Variants in HDGFL2 observed in about 807,000 individuals in gnomAD.
HDGFL2 encodes the protein hepatoma-derived growth factor-related protein 2.
In HDGFL2, 36 loss-of-function variants were observed where a neutral mutation model predicts 77.1. That is an observed-to-expected ratio of 0.47 (90% CI 0.36 to 0.62). The LOEUF (loss-of-function observed/expected upper bound fraction) is 0.62. Ranked by LOEUF, HDGFL2 falls within the 20% of genes least tolerant of loss-of-function variation. The probability of loss-of-function intolerance (pLI) is 0.00; values close to 1 mark genes in which losing one functional copy is unlikely to be tolerated. For synonymous variants in HDGFL2, 463 were observed against 413.1 expected, an observed-to-expected ratio of 1.12 and a Z score of -1.46; for missense variants, 976 against 973.4, an observed-to-expected ratio of 1.00 and a Z score of -0.04.
intron 3 of HDGFL2, among the ~76,000 whole-genome samples, chr19:4,486,047 C>T (rs10406524): frequency 0.081 from 10,812 of 133,970 alleles, 486 homozygotes; most frequent in African/African-American, 0.13. Flanking sequence ...AGTAAGACCC[C>T]GTCTCAAAAA....
At chr19:4,495,989 C>A (rs1306519567) in intron 9 of HDGFL2, among the ~76,000 whole-genome samples, 1 of 152,158 alleles carries the variant, frequency 6.6e-6, no homozygotes, top group Non-Finnish European at 1.5e-5. Context: ...CTCTCTCTGT[C>A]ACTCCCTTCA....
chr19:4,502,139 T>A lies in HDGFL2; in HGVS notation c.*129T>A, dbSNP rs992891017. 2.7e-6 allele frequency: 2 copies of A among 730,832 alleles called. No homozygotes were observed. The highest frequency in any genetic ancestry group is 4.8e-6 in the Non-Finnish European group (2 of 416,476). 45.3% of individuals were successfully genotyped at this position (730,832 alleles called of 1,614,324 possible). A position where few individuals can be genotyped will look rare whatever the true frequency, so the allele number is the denominator to read the frequency against. The stretch of plus-strand genomic sequence containing the variant: ...TTTGTATTTGTTCCCTTGGGTTTTT[T>A]TTTCCTGCCTAATTTCTGTGATTTC... On this transcript the variant is annotated 3_prime_UTR_variant, in exon 16 of 16. Coordinates refer to ENST00000616600, the MANE Select transcript of HDGFL2 (RefSeq NM_001001520.3).
chr19:4,473,056 G>C (rs11673585), intron 1 of HDGFL2, among the ~76,000 whole-genome samples: 16,789 of 150,838 alleles, frequency 0.11, 1,043 homozygotes, highest in South Asian at 0.24. Context: ...CGCACCTTGG[G>C]GGTTTGGGGG....
At chr19:4,485,706 C>T (rs1000351696) in intron 3 of HDGFL2, among the ~76,000 whole-genome samples, 17 of 151,616 alleles carry the variant, frequency 1.1e-4, no homozygotes, top group African/African-American at 3.9e-4. Context: ...GGCACCACTG[C>T]CCTCCAGCCT....
At chr19:4,486,052 C>CAAA (rs548919228) in intron 3 of HDGFL2, among the ~76,000 whole-genome samples, 6 of 74,944 alleles carry the variant, frequency 8.0e-5, no homozygotes, top group African/African-American at 2.4e-4. Flanking sequence ...GACCCCGTCT[C>CAAA]AAAAAAAAAA....
In HDGFL2 at chr19:4,492,911, CTG is replaced by C. The variant is rs374872244; in HGVS notation, c.679-787_679-786del. ...GTTATCTGTGGTGTGTGTGTGGTGT[CTG>C]TGTGGTGTGTATCTGTGTGTGTGGT... On this transcript the variant is annotated intron_variant, in intron 6 of 15. Coordinates refer to ENST00000616600, the MANE Select transcript of HDGFL2 (RefSeq NM_001001520.3). Among the ~76,000 whole-genome samples, 69 of 85,502 alleles carry C rather than the reference CTG, an allele frequency of 8.1e-4. No homozygotes were observed. In the East Asian group the frequency reaches 0.014, roughly 18 times the overall value. 56.1% of individuals were successfully genotyped at this position (85,502 alleles called of 152,430 possible).
In HDGFL2 at chr19:4,501,447, C is replaced by G. The variant is rs1234648897; in HGVS notation, c.1916+130C>G. ...CCAGGGATGTCGTCCTTACTCGGGC[C>G]TCCCACCTTCACAGCTGACCCCAGG... On this transcript the variant is annotated intron_variant, in intron 15 of 15. Transcript: ENST00000616600. The G allele has an allele frequency of 7.1e-6, 8 of 1,123,840 alleles. No homozygotes were observed. The South Asian group carries it at 1.4e-4, about 19-fold the overall frequency. 69.6% of individuals were successfully genotyped at this position (1,123,840 alleles called of 1,614,324 possible).
chr19:4,501,504 A>C, intron 15 of HDGFL2, 187 bp downstream of exon 15: 1 of 616,182 alleles, frequency 1.6e-6, no homozygotes, highest in Admixed American at 3.6e-5. Context: ...GGCGGCCCCT[A>C]CAGAGAGGCA....
rs766372007 is a variant in HDGFL2 at position 4,498,925 on chromosome 19, G to GGGAATCAGAGGCGCA, written c.1575+13_1575+27dup. ...GGCCACCTTGAAGAAGGTATGGCGGGGGAATCAGAGGCGCAGGGTGCAGTC... is the reference window on the plus strand; with the variant it reads ...GGCCACCTTGAAGAAGGTATGGCGGGGGAATCAGAGGCGCAGGAATCAGAGGCGCAGGGTGCAGTC... On this transcript the variant is annotated intron_variant, in intron 13 of 15. Coordinates refer to ENST00000616600, the MANE Select transcript of HDGFL2 (RefSeq NM_001001520.3). 4 of 1,575,918 alleles carry GGGAATCAGAGGCGCA rather than the reference G, an allele frequency of 2.5e-6. No individual in the cohort carries two copies. In the South Asian group the frequency reaches 4.5e-5, roughly 18 times the overall value.
chr19:4,485,180 C>T (rs1975329185), intron 3 of HDGFL2, among the ~76,000 whole-genome samples: 1 of 152,168 alleles, frequency 6.6e-6, no homozygotes, highest in Non-Finnish European at 1.5e-5. Context: ...TCCCCTCAAG[C>T]CTCAGGCAAC....
At position 4,487,048 on chromosome 19, in the gene HDGFL2, C is replaced by T. The variant is rs562820163; in HGVS notation, c.289-1628C>T. Among the ~76,000 whole-genome samples the T allele has an allele frequency of 5.3e-5, 8 of 151,936 alleles. No homozygotes were observed. In the South Asian group the frequency reaches 1.7e-3, roughly 32 times the overall value. ...TGGTGTGATCTCGGCTCACTGCAAC[C>T]TCTGCTTCCTGGGTTCAAGCAATTC... On this transcript the variant is annotated intron_variant, in intron 3 of 15. Transcript: ENST00000616600.
chr19:4,476,287 G>C (rs1399980767), intron 3 of HDGFL2, among the ~76,000 whole-genome samples: 1 of 145,820 alleles, frequency 6.9e-6, no homozygotes, highest in Non-Finnish European at 1.5e-5. Context: ...TCTGCCTCCG[G>C]GTCCAACTGA....
chr19:4,492,224 T>G (rs1403923365), intron 6 of HDGFL2, among the ~76,000 whole-genome samples: 1 of 151,720 alleles, frequency 6.6e-6, no homozygotes, highest in Non-Finnish European at 1.5e-5. Flanking sequence ...TCGACGTGCA[T>G]GTGTGTGTGT....
At chr19:4,474,540 G>A (rs954359180) in intron 1 of HDGFL2, among the ~76,000 whole-genome samples, 3 of 152,040 alleles carry the variant, frequency 2.0e-5, no homozygotes, top group Admixed American at 6.6e-5. Context: ...AGACGTGGAT[G>A]GGGAAGGAAT....
chr19:4,493,297 G>T (rs1975597937), intron 6 of HDGFL2, among the ~76,000 whole-genome samples: 1 of 149,198 alleles, frequency 6.7e-6, no homozygotes, highest in Non-Finnish European at 1.5e-5. Flanking sequence ...TGTGGTGTGT[G>T]TGTGGTGTGT....
intron 15 of HDGFL2, 52 bp downstream of exon 15, chr19:4,501,369 G>A (rs754815548): frequency 7.7e-5 from 119 of 1,536,086 alleles, no homozygotes; most frequent in Middle Eastern, 2.3e-4. Context: ...GCGGTGTGAC[G>A]CGCACCCTGG....
At chr19:4,490,957 A>G (rs1239384185) in intron 4 of HDGFL2, among the ~76,000 whole-genome samples, 1 of 152,010 alleles carries the variant, frequency 6.6e-6, no homozygotes, top group Non-Finnish European at 1.5e-5. Context: ...GATTACAGGC[A>G]TACGCCACCA....
chr19:4,489,335 C>T (rs1190543991), intron 4 of HDGFL2, among the ~76,000 whole-genome samples: 2 of 151,712 alleles, frequency 1.3e-5, no homozygotes, highest in Non-Finnish European at 2.9e-5. Flanking sequence ...CTCACTGCAC[C>T]CTCTGCCACT....
At chr19:4,476,052 G>A (rs1182433091) in intron 3 of HDGFL2, among the ~76,000 whole-genome samples, 1 of 151,748 alleles carries the variant, frequency 6.6e-6, no homozygotes, top group Non-Finnish European at 1.5e-5. Flanking sequence ...ACCACACCCG[G>A]CTAATTTTTT....
Sources: gnomAD v4.1 joint callset for allele counts (sites outside exome capture counted in the v4.1 genomes callset) on GRCh38, gnomAD v4.1.1 for gene constraint, MANE v1.5 for transcripts, NCBI Gene and HGNC (gene_info 2026-07-23, HGNC 2026-07-21) for gene names.